C1QTNF5: variants seen among roughly 807,000 people sequenced by gnomAD.
C1QTNF5 encodes the protein C1q and TNF related 5.
Under a neutral mutation model 10.9 loss-of-function variants are expected in C1QTNF5, and 5 were observed. The ratio of observed to expected loss-of-function variants is 0.46; its 90% CI spans 0.24 to 0.97. The LOEUF is 0.97. Among genes scored for constraint, C1QTNF5 ranks in the 50% least tolerant of loss-of-function variants. The pLI, the probability that C1QTNF5 is intolerant of heterozygous loss-of-function variation, is 0.19. For missense variants in C1QTNF5, 281 were observed against 339.4 expected (o/e 0.83, Z 1.35); for synonymous variants, 161 against 156.5 (o/e 1.03, Z -0.22).
At chr11:119,344,438 C>G, upstream of C1QTNF5, 1 of 1,586,900 alleles carries the variant, frequency 6.3e-7, no homozygotes, top group Non-Finnish European at 8.6e-7. Context: ...ATCTGTGCCT[C>G]CATCCAATAG....
chr11:119,342,385 C>G (rs1236019315), upstream of C1QTNF5, among the ~76,000 whole-genome samples: 1 of 152,170 alleles, frequency 6.6e-6, no homozygotes, highest in African/African-American at 2.4e-5. Flanking sequence ...TTCCCAGATT[C>G]CCATTTCCCT....
At chr11:119,345,783 G>A, upstream of C1QTNF5, 3 of 1,613,704 alleles carry the variant, frequency 1.9e-6, no homozygotes, top group Non-Finnish European at 2.5e-6. Context: ...TGGACTGTGG[G>A]GAGGGGCTCA....
upstream of C1QTNF5, chr11:119,343,887 C>T (rs1432107213): frequency 1.2e-6 from 2 of 1,613,976 alleles, no homozygotes; most frequent in African/African-American, 1.3e-5. Context: ...TGCACTCGTC[C>T]TGAGCCTCCA....
chr11:119,340,171 G>A lies in C1QTNF5; in HGVS notation c.214+13C>T, dbSNP rs916580246. 5 of 1,509,842 alleles carry A rather than the reference G, an allele frequency of 3.3e-6. No individual in the cohort carries two copies. Among genetic ancestry groups the A allele is most frequent in the African/African-American group, 1.5e-5 (1 of 68,554 alleles). 93.5% of individuals were successfully genotyped at this position (1,509,842 alleles called of 1,614,324 possible). On this transcript the variant is annotated intron_variant, in intron 2 of 2. Transcript: ENST00000528368. Reference sequence around the variant, plus strand: ...GGACATCGCCACCGATAGCCGCGGCGGTGCCTTCTTACCCGGCCTCCCGCC... The same window carrying A: ...GGACATCGCCACCGATAGCCGCGGCAGTGCCTTCTTACCCGGCCTCCCGCC...
At chr11:119,341,745 G>T, upstream of C1QTNF5, 3 of 1,613,414 alleles carry the variant, frequency 1.9e-6, no homozygotes, top group Non-Finnish European at 2.5e-6. Context: ...CTCCGGAAAT[G>T]CTGGTAGCAG....
chr11:119,343,776 G>T, upstream of C1QTNF5: 1 of 1,612,962 alleles, frequency 6.2e-7, no homozygotes. Flanking sequence ...GGCAGACAGT[G>T]AGGATGGAGT....
At chr11:119,344,997 C>A, upstream of C1QTNF5, 2 of 1,605,088 alleles carry the variant, frequency 1.2e-6, no homozygotes, top group Non-Finnish European at 1.7e-6. Context: ...GGCACCCTTC[C>A]ACAAACCCTG....
upstream of C1QTNF5, chr11:119,341,136 T>G: frequency 4.4e-6 from 1 of 228,788 alleles, no homozygotes; most frequent in Non-Finnish European, 8.7e-6. Flanking sequence ...GGGTGGAGAG[T>G]TCTAGAGGCA....
chr11:119,340,105 G>A (rs1487406473), intron 2 of C1QTNF5, 79 bp downstream of exon 2: 3 of 1,434,054 alleles, frequency 2.1e-6, no homozygotes, highest in East Asian at 5.7e-5. Flanking sequence ...GGAGACCCGA[G>A]TCCCGGACAC....
Position 119,339,810 on chromosome 11 carries a change from C to G in C1QTNF5, c.253G>C (p.Glu85Gln), listed in dbSNP as rs1231002099. The change falls in exon 3 of 3, where the codon GAG becomes CAG. Residue 85 changes from glutamate (E) to glutamine (Q), a missense_variant. By Grantham distance (29) the Glu-to-Gln change is conservative. Coordinates refer to ENST00000528368, the MANE Select transcript of C1QTNF5 (RefSeq NM_001278431.2). This position sits in a 1 kb window ranked among gnomAD's most constrained non-coding sequence, Gnocchi z 5.4. The part of the protein sequence containing the change: ...GPRGDPGPRG[E>Q]AGPAGPTGPA... ...CCGGTGGGCCCCGCGGGTCCCGCCT[C>G]TCCTCGCGGCCCGGGGTCCCCTCGA... 2.6e-6 allele frequency: 4 copies of G among 1,522,734 alleles called. No individual in the cohort carries two copies. The highest frequency in any genetic ancestry group is 1.4e-5 in the African/African-American group (1 of 72,810). 94.3% of individuals were successfully genotyped at this position (1,522,734 alleles called of 1,614,324 possible). A position where few individuals can be genotyped will look rare whatever the true frequency, so the allele number is the denominator to read the frequency against.
chr11:119,340,383 G>C lies in C1QTNF5; in HGVS notation c.15C>G (p.Leu5=). 1 of 1,545,390 alleles carries C rather than the reference G, an allele frequency of 6.5e-7. No homozygotes were observed. Among genetic ancestry groups the C allele is most frequent in the Non-Finnish European group, 8.7e-7 (1 of 1,146,088 alleles). Residue 5 remains leucine (L), a synonymous_variant, in exon 2 of 3, where the codon CTC becomes CTG. Coordinates refer to ENST00000528368, the MANE Select transcript of C1QTNF5 (RefSeq NM_001278431.2). The part of the protein sequence containing the change: MRPL[L]VLLLLGLAAG... ...CCGCCAGGCCCAGGAGCAGCAGGAC[G>C]AGGAGTGGCCTCATAGCGCTGGCAC...
Position 119,339,360 on chromosome 11 carries a change from C to G in C1QTNF5, c.703G>C (p.Asp235His), listed in dbSNP as rs1298660906. ...STFSGFLVYS[D>H]WHSSPVFA ...GCAAAGACTGGGGAGCTGTGCCAGT[C>G]GGAGTACACCAGAAATCCGGAGAAG... The change falls in exon 3 of 3, where the codon GAC becomes CAC. Residue 235 changes from aspartate to histidine, a missense_variant. Transcript: ENST00000528368. This position sits in a 1 kb window ranked among gnomAD's most constrained non-coding sequence, Gnocchi z 5.4. 1.9e-6 allele frequency: 3 copies of G among 1,612,922 alleles called. No homozygotes were observed. The highest frequency in any genetic ancestry group is 2.2e-5 in the East Asian group (1 of 44,832).
At chr11:119,344,458 T>C, upstream of C1QTNF5, 2 of 1,552,466 alleles carry the variant, frequency 1.3e-6, no homozygotes, top group Non-Finnish European at 1.8e-6. Context: ...GGGCTGGCGG[T>C]GATTACAGAG....
In C1QTNF5 at chr11:119,340,695, C is replaced by T. The variant is rs1950494441; in HGVS notation, c.-44G>A. 2 of 436,972 alleles carry T rather than the reference C, an allele frequency of 4.6e-6. No individual in the cohort carries two copies. The highest frequency in any genetic ancestry group is 2.1e-5 in the African/African-American group (1 of 47,272). The allele number at this position is 436,972 out of a possible 1,614,324, so 27.1% of individuals were successfully genotyped here. ...CTTTCCCCTCCTCCGCCAGACTCAC[C>T]CCCCCTCCCGGCTCCCCGATGGCCT... On this transcript the variant is annotated splice_region_variant and 5_prime_UTR_variant, in exon 1 of 3. Coordinates refer to ENST00000528368, the MANE Select transcript of C1QTNF5 (RefSeq NM_001278431.2).
chr11:119,341,186 G>A (rs1950499506), upstream of C1QTNF5: 2 of 305,204 alleles, frequency 6.6e-6, no homozygotes, highest in Non-Finnish European at 1.3e-5. Context: ...ACAGGGGCCT[G>A]CCACATGAAT....
chr11:119,346,467 G>A, the C1QTNF5 span: 15 of 1,614,020 alleles, frequency 9.3e-6, no homozygotes, highest in Middle Eastern at 1.6e-4. Context: ...TACCTTGCTC[G>A]ATTCTGTTGC....
chr11:119,344,290 G>T (rs373354558), upstream of C1QTNF5: 41 of 1,608,500 alleles, frequency 2.5e-5, no homozygotes, highest in South Asian at 4.1e-4. Context: ...TGCCCCTCCC[G>T]TTCTGCATGG....
At chr11:119,345,521 A>C (rs2510143), upstream of C1QTNF5, 1 of 1,614,016 alleles carries the variant, frequency 6.2e-7, no homozygotes, top group Admixed American at 1.7e-5. Context: ...GCTGTATTGC[A>C]TGGTCTGTGG....
Position 119,340,754 on chromosome 11 carries a change from T to C in C1QTNF5, c.-103A>G, listed in dbSNP as rs1455509986. 6.7e-6 allele frequency: 2 copies of C among 299,050 alleles called. No homozygotes were observed. The highest frequency in any genetic ancestry group is 1.3e-5 in the Non-Finnish European group (2 of 159,652). The allele number at this position is 299,050 out of a possible 1,614,324, so 18.5% of individuals were successfully genotyped here. A position where few individuals can be genotyped will look rare whatever the true frequency, so the allele number is the denominator to read the frequency against. ...GCGCTCGCTACTCCGGACCCTCCAG[T>C]TGGTGGTGCTCCAGCCCCCGCGCTT... On this transcript the variant is annotated 5_prime_UTR_variant, in exon 1 of 3. Transcript: ENST00000528368.
Sources: allele counts gnomAD v4.1 joint callset (sites outside exome capture counted in the v4.1 genomes callset), GRCh38; gene constraint gnomAD v4.1.1; non-coding constraint Gnocchi (gnomAD v3.1); transcripts MANE v1.5; gene names NCBI Gene and HGNC (gene_info 2026-07-23, HGNC 2026-07-21).